Variants in TRPC4 observed in about 807,000 individuals in gnomAD.
The protein encoded by TRPC4 is short transient receptor potential channel 4.
TRPC4 carries 49 observed loss-of-function variants against 99.4 expected under a neutral mutation model. The ratio of observed to expected loss-of-function variants is 0.49; its 90% CI spans 0.39 to 0.63. The LOEUF (loss-of-function observed/expected upper bound fraction) is 0.63, where lower values mean the gene tolerates loss of function less well. TRPC4 is among the 20% of genes least tolerant of loss of function. TRPC4 has a pLI of 0.00. For missense variants in TRPC4, 898 were observed against 1,152.9 expected, an observed-to-expected ratio of 0.78 and a Z score of 3.20; for synonymous variants, 454 against 425.9, an observed-to-expected ratio of 1.07 and a Z score of -0.81.
chr13:37,823,566 A>C (rs951646257), intron 1 of TRPC4, among the ~76,000 whole-genome samples: 5 of 152,020 alleles, frequency 3.3e-5, no homozygotes, highest in African/African-American at 4.8e-5. Context: ...AGGTTTGTCA[A>C]AGATCAAATA....
intron 1 of TRPC4, among the ~76,000 whole-genome samples, chr13:37,791,493 A>G (rs1957118675): frequency 1.3e-5 from 2 of 151,884 alleles, no homozygotes; most frequent in African/African-American, 4.8e-5. Flanking sequence ...TGAAATATAC[A>G]TGGTGCTCAG....
intron 3 of TRPC4, among the ~76,000 whole-genome samples, chr13:37,693,669 G>T (rs1953807875): frequency 6.6e-6 from 1 of 152,152 alleles, no homozygotes; most frequent in Admixed American, 6.6e-5. Flanking sequence ...AAAGAGATGA[G>T]GTGACATTCA....
chr13:37,693,727 C>CA (rs1372429500), intron 3 of TRPC4, among the ~76,000 whole-genome samples: 1 of 152,140 alleles, frequency 6.6e-6, no homozygotes, highest in East Asian at 1.9e-4. Context: ...ATTAGATGAA[C>CA]AATGGTTTTT....
chr13:37,813,561 T>C (rs1297452515), intron 1 of TRPC4, among the ~76,000 whole-genome samples: 3 of 151,678 alleles, frequency 2.0e-5, no homozygotes, highest in Admixed American at 6.6e-5. Context: ...ACACTACTAC[T>C]GATGTTACAG....
chr13:37,718,480 C>T (rs965102128), intron 3 of TRPC4, among the ~76,000 whole-genome samples: 3 of 151,744 alleles, frequency 2.0e-5, no homozygotes, highest in Non-Finnish European at 2.9e-5. Flanking sequence ...ATGGATTTAG[C>T]AGACATAGAC....
intron 2 of TRPC4, among the ~76,000 whole-genome samples, chr13:37,768,999 CA>C (rs1364764840): frequency 6.6e-6 from 1 of 151,304 alleles, no homozygotes; most frequent in African/African-American, 2.4e-5. Context: ...TGGTGGTTCA[CA>C]TTTTTTGGGT....
At chr13:37,723,735 A>G (rs551981818) in intron 3 of TRPC4, among the ~76,000 whole-genome samples, 1 of 152,034 alleles carries the variant, frequency 6.6e-6, no homozygotes, top group Non-Finnish European at 1.5e-5. Flanking sequence ...ATTCCTTTGT[A>G]GAGAAGATGA....
chr13:37,689,473 C>T (rs1953609277), intron 4 of TRPC4, among the ~76,000 whole-genome samples: 2 of 152,006 alleles, frequency 1.3e-5, no homozygotes, highest in Non-Finnish European at 2.9e-5. Context: ...TTCCTCATGC[C>T]CCATTATTTC....
At chr13:37,799,323 T>C (rs1016617570) in intron 1 of TRPC4, among the ~76,000 whole-genome samples, 1 of 152,178 alleles carries the variant, frequency 6.6e-6, no homozygotes, top group African/African-American at 2.4e-5. Context: ...TGCCCGTTAC[T>C]AATTTCCTCA....
chr13:37,763,647 A>G (rs1056352931), intron 2 of TRPC4, among the ~76,000 whole-genome samples: 17 of 151,696 alleles, frequency 1.1e-4, no homozygotes, highest in Non-Finnish European at 2.9e-5. Flanking sequence ...CAATAGGCAG[A>G]GATTGGACTA....
intron 2 of TRPC4, among the ~76,000 whole-genome samples, chr13:37,755,309 G>T (rs913836948): frequency 6.6e-6 from 1 of 151,088 alleles, no homozygotes; most frequent in Non-Finnish European, 1.5e-5. Flanking sequence ...CTGTGGCCTA[G>T]GCTGAACTAA....
intron 3 of TRPC4, among the ~76,000 whole-genome samples, chr13:37,743,573 T>C (rs1593636111): frequency 6.6e-6 from 1 of 152,258 alleles, no homozygotes; most frequent in Admixed American, 6.5e-5. Flanking sequence ...TAATAGGCTA[T>C]AAGCTCTATG....
At chr13:37,730,746 C>T (rs191859190) in intron 3 of TRPC4, among the ~76,000 whole-genome samples, 2 of 152,144 alleles carry the variant, frequency 1.3e-5, no homozygotes, top group African/African-American at 2.4e-5. Context: ...TATTTCTAAA[C>T]GAATTCCCAC....
intron 3 of TRPC4, among the ~76,000 whole-genome samples, chr13:37,709,414 CAAT>C (rs750272263): frequency 2.0e-5 from 3 of 151,882 alleles, no homozygotes; most frequent in Admixed American, 1.3e-4. Context: ...TAATATTTAA[CAAT>C]AACAGTACTG....
At chr13:37,763,276 A>C (rs1956272847) in intron 2 of TRPC4, among the ~76,000 whole-genome samples, 3 of 151,710 alleles carry the variant, frequency 2.0e-5, no homozygotes, top group South Asian at 4.1e-4. Flanking sequence ...AGTAGGCAAA[A>C]AAGAAGGAGA....
intron 4 of TRPC4, among the ~76,000 whole-genome samples, chr13:37,687,731 C>A (rs967906759): frequency 2.0e-5 from 3 of 152,022 alleles, no homozygotes; most frequent in African/African-American, 7.2e-5. Context: ...GTAAAAGTAC[C>A]CAAGTCTCTG....
At chr13:37,867,596 A>C (rs1192681182) in intron 1 of TRPC4, among the ~76,000 whole-genome samples, 1 of 152,088 alleles carries the variant, frequency 6.6e-6, no homozygotes, top group East Asian at 1.9e-4. Flanking sequence ...TGAAATCATA[A>C]AAGAAAAATT....
intron 2 of TRPC4, among the ~76,000 whole-genome samples, chr13:37,749,571 A>G (rs1441789391): frequency 6.6e-6 from 1 of 152,134 alleles, no homozygotes; most frequent in African/African-American, 2.4e-5. Context: ...GATTGCATGA[A>G]GACAATAAAA....
rs181809405 is a variant in TRPC4 at position 37,854,610 on chromosome 13, T to C, written c.-28+14985A>G. Reference sequence around the variant, plus strand: ...AATAGAAAGTTAAAAAGCAGAGGAATAAAGCTAAGTGTGGAGTTTTTATTA... The same window carrying C: ...AATAGAAAGTTAAAAAGCAGAGGAACAAAGCTAAGTGTGGAGTTTTTATTA... On this transcript the variant is annotated intron_variant, in intron 1 of 10. Coordinates refer to ENST00000379705, the MANE Select transcript of TRPC4 (RefSeq NM_016179.4). Among the ~76,000 whole-genome samples, 99 of 152,126 alleles carry C rather than the reference T, an allele frequency of 6.5e-4. 1 individual carries two copies. The highest frequency in any genetic ancestry group is 3.4e-3 in the Middle Eastern group (1 of 294).
Sources: allele counts gnomAD v4.1 joint callset (sites outside exome capture counted in the v4.1 genomes callset), GRCh38; gene constraint gnomAD v4.1.1; transcripts MANE v1.5; gene names NCBI Gene and HGNC (gene_info 2026-07-23, HGNC 2026-07-21).